The following CAST variants were observed in gnomAD, a reference collection of about 807,000 sequenced individuals.
The protein encoded by CAST is MIR583 host.
Under a neutral mutation model 119.6 loss-of-function variants are expected in CAST, and 76 were observed. The observed-to-expected ratio is 0.64, with a 90% confidence interval of 0.53 to 0.77. The LOEUF is 0.77. CAST is among the 30% of genes least tolerant of loss of function. CAST has a pLI of 0.00. For missense variants in CAST, 953 were observed against 946.5 expected, an observed-to-expected ratio of 1.01 and a Z score of -0.09; for synonymous variants, 319 against 331.6, an observed-to-expected ratio of 0.96 and a Z score of 0.41.
At chr5:96,619,054 G>A (rs1161492614) in intron 1 of CAST, among the ~76,000 whole-genome samples, 6 of 152,146 alleles carry the variant, frequency 3.9e-5, no homozygotes, top group Non-Finnish European at 8.8e-5. Flanking sequence ...CTAAAGGTTT[G>A]TAAACGCATC....
intron 1 of CAST, among the ~76,000 whole-genome samples, chr5:96,581,874 G>A (rs1268050859): frequency 1.3e-5 from 2 of 148,412 alleles, no homozygotes; most frequent in Non-Finnish European, 3.0e-5. Context: ...CTGGGCGACA[G>A]AGCGAAACTC....
upstream of CAST, among the ~76,000 whole-genome samples, chr5:96,659,502 T>G (rs1748213848): frequency 6.6e-6 from 1 of 152,216 alleles, no homozygotes; most frequent in Non-Finnish European, 1.5e-5. Context: ...GACAGTAATG[T>G]GGCAAAAGCC....
intron 1 of CAST, among the ~76,000 whole-genome samples, chr5:96,616,793 C>CACATAT (rs1202841885): frequency 5.9e-4 from 83 of 141,044 alleles, no homozygotes; most frequent in African/African-American, 2.2e-3. Context: ...CACACACACA[C>CACATAT]ACATATACAT....
At chr5:96,081,936 C>G in the CAST span, among the ~76,000 whole-genome samples, 1 of 152,170 alleles carries the variant, frequency 6.6e-6, no homozygotes, top group Non-Finnish European at 1.5e-5. Context: ...ATTTTTGAGG[C>G]AGAGTCTCGC....
chr5:96,702,530 A>C (rs1754043146), intron 3 of CAST, among the ~76,000 whole-genome samples: 1 of 152,236 alleles, frequency 6.6e-6, no homozygotes, highest in Non-Finnish European at 1.5e-5. Context: ...TGCGAAGTGC[A>C]CCCACCGTCG....
chr5:96,148,586 C>CA, the CAST span, among the ~76,000 whole-genome samples: 7 of 152,214 alleles, frequency 4.6e-5, no homozygotes, highest in African/African-American at 1.7e-4. Context: ...TCTGGTGAGT[C>CA]AGAGTCAGCG....
chr5:96,005,726 G>T, the CAST span, among the ~76,000 whole-genome samples: 2 of 152,034 alleles, frequency 1.3e-5, no homozygotes, highest in East Asian at 3.9e-4. Context: ...TGGGTGTAGG[G>T]TATATGGGAA....
the CAST span, among the ~76,000 whole-genome samples, chr5:96,518,899 T>G: frequency 1.3e-5 from 2 of 152,076 alleles, no homozygotes; most frequent in African/African-American, 4.8e-5. Flanking sequence ...GTGCCTGTAA[T>G]CCCAGCTACT....
At chr5:96,511,364 G>A in the CAST span, among the ~76,000 whole-genome samples, 1 of 152,024 alleles carries the variant, frequency 6.6e-6, no homozygotes, top group Non-Finnish European at 1.5e-5. Context: ...GGATGGTCTC[G>A]ATCTCTTGAT....
the CAST span, among the ~76,000 whole-genome samples, chr5:96,465,906 T>C: frequency 6.6e-6 from 1 of 152,130 alleles, no homozygotes; most frequent in Non-Finnish European, 1.5e-5. Flanking sequence ...TATCTATTTC[T>C]ATATCTATTC....
At chr5:96,315,161 A>G in the CAST span, among the ~76,000 whole-genome samples, 8 of 152,216 alleles carry the variant, frequency 5.3e-5, no homozygotes, top group Non-Finnish European at 4.4e-5. Context: ...ATACGGGTAT[A>G]AGTAATTGCT....
chr5:96,510,157 A>T, the CAST span, among the ~76,000 whole-genome samples: 1 of 152,188 alleles, frequency 6.6e-6, no homozygotes, highest in Non-Finnish European at 1.5e-5. Flanking sequence ...GGGAAGTCCA[A>T]GTTATTTCTC....
At chr5:96,136,723 C>A in the CAST span, among the ~76,000 whole-genome samples, 46 of 152,300 alleles carry the variant, frequency 3.0e-4, no homozygotes, top group South Asian at 9.5e-3. Flanking sequence ...TAGCCTCTTC[C>A]TCTTGCTCAT....
the CAST span, among the ~76,000 whole-genome samples, chr5:96,502,369 A>G: frequency 6.6e-6 from 1 of 152,176 alleles, no homozygotes. Context: ...TAGCAGAAAC[A>G]GGATCTCAGG....
chr5:96,663,647 A>C (rs1407133793), intron 1 of CAST, among the ~76,000 whole-genome samples: 1 of 152,212 alleles, frequency 6.6e-6, no homozygotes, highest in African/African-American at 2.4e-5. Context: ...GGCAAGGAGA[A>C]AATCCCAAAC....
chr5:96,409,037 T>C, the CAST span, among the ~76,000 whole-genome samples: 1 of 152,246 alleles, frequency 6.6e-6, no homozygotes, highest in Non-Finnish European at 1.5e-5. Flanking sequence ...CTGACTCATA[T>C]GCGAGACTTA....
At chr5:96,410,752 G>T in the CAST span, 159 of 1,590,454 alleles carry the variant, frequency 1.0e-4, 1 homozygote, top group African/African-American at 1.9e-3. Context: ...TAAGCAGAGA[G>T]AATTAGACAA....
the CAST span, chr5:96,432,214 C>G: frequency 8.2e-7 from 1 of 1,225,446 alleles, no homozygotes; most frequent in Non-Finnish European, 1.2e-6. Flanking sequence ...GCCGGAGCTC[C>G]CTAGAGAGTC....
intron 9 of CAST, 47 bp downstream of exon 9, chr5:96,730,907 A>C: frequency 7.2e-7 from 1 of 1,379,564 alleles, no homozygotes; most frequent in Non-Finnish European, 1.0e-6. Context: ...GTGCTTCTCA[A>C]GTTTCTTTTA....
Sources: allele counts gnomAD v4.1 joint callset (sites outside exome capture counted in the v4.1 genomes callset), GRCh38; gene constraint gnomAD v4.1.1; transcripts MANE v1.5; gene names NCBI Gene and HGNC (gene_info 2026-07-23, HGNC 2026-07-21).